The following IFNAR2 variants were observed in gnomAD, a reference collection of about 807,000 sequenced individuals.
IFNAR2 encodes interferon alpha and beta receptor subunit 2, also known as interferon alpha/beta receptor 2.
A neutral mutation model predicts 49.4 loss-of-function variants in IFNAR2; 30 were observed. The ratio of observed to expected loss-of-function variants is 0.61; its 90% CI spans 0.45 to 0.82. The LOEUF (loss-of-function observed/expected upper bound fraction) is 0.82. Among genes scored for constraint, IFNAR2 ranks in the 40% least tolerant of loss-of-function variants. IFNAR2 has a pLI of 0.00. For synonymous variants in IFNAR2, 224 were observed against 234.5 expected (o/e 0.96, Z 0.41); for missense variants, 600 against 622.7 (o/e 0.96, Z 0.39).
At chr21:33,244,440 A>G (rs900888978) in intron 3 of IFNAR2, among the ~76,000 whole-genome samples, 2 of 152,194 alleles carry the variant, frequency 1.3e-5, no homozygotes, top group African/African-American at 2.4e-5. Flanking sequence ...GTCTGGGCTC[A>G]TGTTATACTC....
chr21:33,246,221 C>T (rs1601801359), intron 4 of IFNAR2, among the ~76,000 whole-genome samples: 1 of 152,272 alleles, frequency 6.6e-6, no homozygotes, highest in African/African-American at 2.4e-5. Flanking sequence ...CAGGCGCCCG[C>T]CACCACGCCC....
chr21:33,240,840 A>G (rs1568880191), intron 1 of IFNAR2, among the ~76,000 whole-genome samples: 1 of 151,932 alleles, frequency 6.6e-6, no homozygotes, highest in East Asian at 1.9e-4. Context: ...TTACATATAT[A>G]TACACACAGT....
intron 7 of IFNAR2, among the ~76,000 whole-genome samples, chr21:33,257,262 C>G (rs1015032597): frequency 5.3e-5 from 8 of 152,162 alleles, no homozygotes; most frequent in South Asian, 2.1e-4. Context: ...TTCGTGGTCT[C>G]GCTGACTTCA....
At chr21:33,262,004 C>T (rs1447997236) in intron 8 of IFNAR2, among the ~76,000 whole-genome samples, 1 of 152,228 alleles carries the variant, frequency 6.6e-6, no homozygotes, top group African/African-American at 2.4e-5. Context: ...CTCCCACTCA[C>T]TAGTCACAAA....
chr21:33,252,425 C>A, intron 6 of IFNAR2: 1 of 978,206 alleles, frequency 1.0e-6, no homozygotes, highest in Non-Finnish European at 1.2e-6. Flanking sequence ...AAAATGAAGG[C>A]GCTAGACTAG....
intron 7 of IFNAR2, among the ~76,000 whole-genome samples, chr21:33,257,910 T>C (rs1417877398): frequency 1.3e-5 from 2 of 152,054 alleles, no homozygotes. Flanking sequence ...CCAAGGGAGA[T>C]GTGGTAAGCA....
intron 7 of IFNAR2, 159 bp downstream of exon 7, chr21:33,252,989 T>C (rs1987968467): frequency 4.3e-6 from 3 of 693,552 alleles, no homozygotes; most frequent in Admixed American, 2.2e-5. Context: ...TTCGTGTGTA[T>C]GATCTGGTAG....
At chr21:33,244,685 G>A (rs900169357) in intron 3 of IFNAR2, among the ~76,000 whole-genome samples, 5 of 152,146 alleles carry the variant, frequency 3.3e-5, no homozygotes, top group African/African-American at 7.2e-5. Context: ...CAAGGGCATC[G>A]GAGAAGCCCT....
chr21:33,263,374 G>A lies in IFNAR2; in HGVS notation c.1422G>A (p.Gly474=). The A allele has an allele frequency of 6.2e-7, 1 of 1,614,168 alleles. No homozygotes were observed. The highest frequency in any genetic ancestry group is 8.5e-7 in the Non-Finnish European group (1 of 1,180,024). The change falls in exon 9 of 9, where the codon GGG becomes GGA. Residue 474 remains glycine, a synonymous_variant. Coordinates refer to ENST00000342136, the MANE Select transcript of IFNAR2 (RefSeq NM_001289125.3). ...AATCAAACCATTTGCTGGCCAGCGGGGAAGGGACACAGCCAACCTTTCCCA... is the reference window on the plus strand; with the variant it reads ...AATCAAACCATTTGCTGGCCAGCGGAGAAGGGACACAGCCAACCTTTCCCA... ...NVQSNHLLAS[G]EGTQPTFPSP...
Position 33,263,581 on chromosome 21 carries a change from G to T in IFNAR2, c.*81G>T. 7.6e-7 allele frequency: 1 copy of T among 1,322,934 alleles called. No homozygotes were observed. The highest frequency in any genetic ancestry group is 1.0e-6 in the Non-Finnish European group (1 of 980,082). The allele number at this position is 1,322,934 out of a possible 1,614,324, so 81.9% of individuals were successfully genotyped here. A position where few individuals can be genotyped will look rare whatever the true frequency, so the allele number is the denominator to read the frequency against. ...CTGCATCCTAACTTGCTGCCTTATCGTCTGCAAGTGTTCTCCAAGGGAAGG... is the reference window on the plus strand; with the variant it reads ...CTGCATCCTAACTTGCTGCCTTATCTTCTGCAAGTGTTCTCCAAGGGAAGG... On this transcript the variant is annotated 3_prime_UTR_variant, in exon 9 of 9. Transcript: ENST00000342136.
intron 5 of IFNAR2, 74 bp downstream of exon 5, chr21:33,246,964 G>A: frequency 1.5e-6 from 2 of 1,338,294 alleles, no homozygotes; most frequent in Non-Finnish European, 2.1e-6. Context: ...CATGAAATAG[G>A]AGGTCTACAA....
chr21:33,237,377 A>C (rs1480289127), intron 1 of IFNAR2, among the ~76,000 whole-genome samples: 4 of 151,764 alleles, frequency 2.6e-5, no homozygotes, highest in Non-Finnish European at 5.9e-5. Context: ...AAAAAAAAAA[A>C]TACAAAAATT....
chr21:33,258,963 TCTTA>T (rs370457150), intron 7 of IFNAR2, among the ~76,000 whole-genome samples: 11 of 152,218 alleles, frequency 7.2e-5, no homozygotes, highest in African/African-American at 2.6e-4. Context: ...GGAGAGGCGG[TCTTA>T]CTTGTTCCAG....
intron 1 of IFNAR2, among the ~76,000 whole-genome samples, chr21:33,233,471 T>A (rs2123440617): frequency 6.6e-6 from 1 of 152,276 alleles, no homozygotes; most frequent in South Asian, 2.1e-4. Flanking sequence ...CATGTGGGAA[T>A]ACGGAAGCAC....
chr21:33,246,906 GTT>G lies in IFNAR2; in HGVS notation c.394+18_394+19del. 1 of 1,600,620 alleles carries G rather than the reference GTT, an allele frequency of 6.2e-7. No homozygotes were observed. The highest frequency in any genetic ancestry group is 1.7e-5 in the Admixed American group (1 of 59,614). On this transcript the variant is annotated intron_variant, in intron 5 of 8. Coordinates refer to ENST00000342136, the MANE Select transcript of IFNAR2 (RefSeq NM_001289125.3). Reference sequence around the variant, plus strand: ...GCCATAGACAGTGAGTTTTATCTCTGTTTCTCCACTTCGTCCCCATCATCAAG... The same window carrying G: ...GCCATAGACAGTGAGTTTTATCTCTGTCTCCACTTCGTCCCCATCATCAAG...
intron 5 of IFNAR2, 109 bp from the exon 6 acceptor site, chr21:33,248,600 C>T: frequency 2.1e-6 from 2 of 950,510 alleles, no homozygotes; most frequent in South Asian, 4.1e-5. Context: ...TGATGTAAAT[C>T]AGGACTTGGC....
intron 5 of IFNAR2, among the ~76,000 whole-genome samples, chr21:33,248,241 T>G (rs1987582925): frequency 6.6e-6 from 1 of 152,086 alleles, no homozygotes; most frequent in Non-Finnish European, 1.5e-5. Flanking sequence ...GCACAGTGGC[T>G]CACACCTGTA....
chr21:33,241,504 A>G (rs1193697865), intron 1 of IFNAR2, among the ~76,000 whole-genome samples: 3 of 152,220 alleles, frequency 2.0e-5, no homozygotes, highest in Non-Finnish European at 4.4e-5. Context: ...GGGACTATAC[A>G]TGCTATCTCT....
chr21:33,245,369 G>C (rs1393917594), intron 4 of IFNAR2, among the ~76,000 whole-genome samples: 1 of 152,206 alleles, frequency 6.6e-6, no homozygotes, highest in Non-Finnish European at 1.5e-5. Flanking sequence ...TCTTGTGTAT[G>C]GGTTAGGCAA....
Sources: allele counts gnomAD v4.1 joint callset (sites outside exome capture counted in the v4.1 genomes callset), GRCh38; gene constraint gnomAD v4.1.1; transcripts MANE v1.5; gene names NCBI Gene and HGNC (gene_info 2026-07-23, HGNC 2026-07-21).